CNTN5: variants seen among roughly 807,000 people sequenced by gnomAD.
CNTN5 encodes the protein contactin 5.
A neutral mutation model predicts 129.1 loss-of-function variants in CNTN5; 77 were observed. That is an observed-to-expected ratio of 0.60 (90% CI 0.50 to 0.72). The LOEUF (loss-of-function observed/expected upper bound fraction) is 0.72. CNTN5 is among the 30% of genes least tolerant of loss of function. CNTN5 has a pLI of 0.00. For missense variants in CNTN5, 1,478 were observed against 1,328.8 expected (o/e 1.11, Z -1.75); for synonymous variants, 509 against 465.6 (o/e 1.09, Z -1.20).
chr11:99,365,802 A>G (rs1939410839), intron 2 of CNTN5, among the ~76,000 whole-genome samples: 1 of 152,142 alleles, frequency 6.6e-6, no homozygotes, highest in African/African-American at 2.4e-5. Flanking sequence ...TATTTTTGAG[A>G]CACAGCTCAT....
intron 1 of CNTN5, among the ~76,000 whole-genome samples, chr11:99,242,838 G>T (rs1033409100): frequency 1.4e-4 from 22 of 152,086 alleles, no homozygotes; most frequent in African/African-American, 4.6e-4. Context: ...TGGCTTTATA[G>T]TATTCCATGG....
intron 16 of CNTN5, among the ~76,000 whole-genome samples, chr11:100,231,551 C>T (rs1949489554): frequency 4.6e-5 from 7 of 152,122 alleles, no homozygotes; most frequent in Admixed American, 4.6e-4. Context: ...CCAAGTTATA[C>T]TTAGAGTGTC....
chr11:100,019,258 A>C (rs1940996023), intron 9 of CNTN5, among the ~76,000 whole-genome samples: 1 of 151,878 alleles, frequency 6.6e-6, no homozygotes, highest in Admixed American at 6.6e-5. Flanking sequence ...TTTTCTCCTA[A>C]AAGTTTTATA....
intron 1 of CNTN5, among the ~76,000 whole-genome samples, chr11:99,290,176 A>T (rs1381398737): frequency 6.6e-6 from 1 of 151,792 alleles, no homozygotes; most frequent in Admixed American, 6.6e-5. Context: ...TTGCCACTTT[A>T]TTTAGTTCAT....
intron 7 of CNTN5, among the ~76,000 whole-genome samples, chr11:99,920,539 G>A (rs148804474): frequency 5.9e-5 from 9 of 152,152 alleles, no homozygotes; most frequent in South Asian, 2.1e-4. Context: ...ACCTTCTCTA[G>A]CTACAGTCTT....
At chr11:99,125,233 G>C (rs960998136) in intron 1 of CNTN5, among the ~76,000 whole-genome samples, 1 of 151,958 alleles carries the variant, frequency 6.6e-6, no homozygotes. Flanking sequence ...ACCGAATCCA[G>C]CAGCACATTA....
At chr11:100,006,596 C>T (rs1477973287) in intron 9 of CNTN5, among the ~76,000 whole-genome samples, 2 of 152,186 alleles carry the variant, frequency 1.3e-5, no homozygotes, top group Admixed American at 1.3e-4. Flanking sequence ...AATTCAGTCA[C>T]ATCTTCCTGT....
At chr11:99,950,762 C>A (rs1268097566) in intron 7 of CNTN5, among the ~76,000 whole-genome samples, 1 of 152,154 alleles carries the variant, frequency 6.6e-6, no homozygotes, top group African/African-American at 2.4e-5. Flanking sequence ...TTGTGTAATT[C>A]TCAGCATTAC....
At chr11:99,665,762 C>T (rs759012951) in intron 3 of CNTN5, among the ~76,000 whole-genome samples, 2 of 151,914 alleles carry the variant, frequency 1.3e-5, no homozygotes, top group African/African-American at 2.4e-5. Context: ...GCTGAGATTA[C>T]AGGTGTGAGC....
intron 18 of CNTN5, among the ~76,000 whole-genome samples, chr11:100,273,268 C>T (rs1054255330): frequency 1.3e-5 from 2 of 152,138 alleles, no homozygotes; most frequent in Non-Finnish European, 2.9e-5. Context: ...AGTCTTTCCC[C>T]ACACTGCAGC....
intron 13 of CNTN5, among the ~76,000 whole-genome samples, chr11:100,102,908 A>C (rs1435315562): frequency 6.6e-6 from 1 of 152,140 alleles, no homozygotes; most frequent in East Asian, 1.9e-4. Context: ...GAGAAGACAT[A>C]GAACAAGGGA....
chr11:99,224,843 C>T (rs1860593390), intron 1 of CNTN5, among the ~76,000 whole-genome samples: 2 of 151,768 alleles, frequency 1.3e-5, no homozygotes, highest in Non-Finnish European at 1.5e-5. Context: ...CATAACAACC[C>T]ATCCCTTGGG....
At chr11:99,227,414 A>G (rs1189817223) in intron 1 of CNTN5, among the ~76,000 whole-genome samples, 6 of 152,074 alleles carry the variant, frequency 3.9e-5, no homozygotes, top group Non-Finnish European at 7.4e-5. Context: ...TGTTTGCACT[A>G]TATGGCCTCA....
At chr11:99,350,505 G>A (rs746072438) in intron 2 of CNTN5, among the ~76,000 whole-genome samples, 26 of 152,096 alleles carry the variant, frequency 1.7e-4, no homozygotes, top group Non-Finnish European at 2.5e-4. Context: ...ATATGTGTAC[G>A]AGAATAACCA....
At chr11:99,157,414 A>G (rs144816739) in intron 1 of CNTN5, among the ~76,000 whole-genome samples, 1 of 152,108 alleles carries the variant, frequency 6.6e-6, no homozygotes, top group African/African-American at 2.4e-5. Context: ...CCCTCACAGC[A>G]ATTTTTATTA....
At chr11:99,113,720 G>T (rs546924935) in intron 1 of CNTN5, among the ~76,000 whole-genome samples, 131 of 152,178 alleles carry the variant, frequency 8.6e-4, no homozygotes, top group African/African-American at 3.1e-3. Context: ...CATAACTCTA[G>T]CTGAAACCAT....
chr11:99,263,421 T>G (rs1862736874), intron 1 of CNTN5, among the ~76,000 whole-genome samples: 1 of 152,162 alleles, frequency 6.6e-6, no homozygotes, highest in African/African-American at 2.4e-5. Flanking sequence ...CCTAAAATTG[T>G]ACAAAAGTCT....
Position 99,617,752 on chromosome 11 carries a change from T to C in CNTN5, c.55+61483T>C, listed in dbSNP as rs139394210. Among the ~76,000 whole-genome samples, 490 of 152,184 alleles carry C rather than the reference T, an allele frequency of 3.2e-3. 1 individual carries two copies. The highest frequency in any genetic ancestry group is 5.0e-3 in the Admixed American group (77 of 15,276). ...CAAACCAAAAGGAAGTATGAATAAA[T>C]AAATGTATAAAATGAAACCACTGAG... On this transcript the variant is annotated intron_variant, in intron 3 of 24. Coordinates refer to ENST00000524871, the MANE Select transcript of CNTN5 (RefSeq NM_014361.4).
intron 3 of CNTN5, among the ~76,000 whole-genome samples, chr11:99,762,689 G>A (rs901099873): frequency 1.3e-5 from 2 of 151,882 alleles, no homozygotes; most frequent in Non-Finnish European, 2.9e-5. Context: ...CAGTTTGAAG[G>A]ATTCTGTATA....
Sources: allele counts gnomAD v4.1 joint callset (sites outside exome capture counted in the v4.1 genomes callset), GRCh38; gene constraint gnomAD v4.1.1; transcripts MANE v1.5; gene names NCBI Gene and HGNC (gene_info 2026-07-23, HGNC 2026-07-21).